The following SNTG1 variants were observed in gnomAD, a reference collection of about 807,000 sequenced individuals.
SNTG1 encodes the protein gamma-1-syntrophin.
Under a neutral mutation model 74.7 loss-of-function variants are expected in SNTG1, and 39 were observed. That is an observed-to-expected ratio of 0.52 (90% confidence interval 0.40 to 0.68). The LOEUF is 0.68. Among genes scored for constraint, SNTG1 ranks in the 30% least tolerant of loss-of-function variants. SNTG1 has a pLI of 0.00. For synonymous variants in SNTG1, 254 were observed against 217.1 expected (o/e 1.17, Z -1.49); for missense variants, 685 against 609.5 (o/e 1.12, Z -1.30).
intron 3 of SNTG1, among the ~76,000 whole-genome samples, chr8:50,396,778 TA>T (rs1414242284): frequency 1.3e-5 from 2 of 152,184 alleles, no homozygotes; most frequent in African/African-American, 4.8e-5. Flanking sequence ...GAATATAAAT[TA>T]AAAAGGCCTT....
intron 2 of SNTG1, among the ~76,000 whole-genome samples, chr8:50,377,805 G>T (rs2092413890): frequency 6.6e-6 from 1 of 152,090 alleles, no homozygotes; most frequent in Non-Finnish European, 1.5e-5. Flanking sequence ...CAGTTATTTT[G>T]ATTTTTAAAA....
intron 9 of SNTG1, among the ~76,000 whole-genome samples, chr8:50,507,438 TAAA>T (rs1286179344): frequency 2.6e-5 from 4 of 152,126 alleles, no homozygotes; most frequent in Non-Finnish European, 5.9e-5. Flanking sequence ...AGTTCTACAG[TAAA>T]ACCATCTGGT....
intron 1 of SNTG1, among the ~76,000 whole-genome samples, chr8:49,999,867 A>G (rs1309481863): frequency 2.0e-5 from 3 of 152,122 alleles, no homozygotes; most frequent in Non-Finnish European, 4.4e-5. Context: ...GCCTCTGTCC[A>G]CTAGAATGGA....
chr8:50,574,966 T>A (rs1048777326), intron 12 of SNTG1, among the ~76,000 whole-genome samples: 3 of 152,204 alleles, frequency 2.0e-5, no homozygotes, highest in African/African-American at 7.2e-5. Context: ...CATTAATGGT[T>A]TTAATCTATT....
intron 13 of SNTG1, among the ~76,000 whole-genome samples, chr8:50,622,515 G>T (rs1460135222): frequency 6.6e-6 from 1 of 152,054 alleles, no homozygotes; most frequent in Non-Finnish European, 1.5e-5. Flanking sequence ...TAAAGTTTAT[G>T]TCTTAAGGTA....
At chr8:50,438,665 C>A in intron 5 of SNTG1, 66 bp downstream of exon 5, 1 of 1,334,978 alleles carries the variant, frequency 7.5e-7, no homozygotes, top group African/African-American at 1.5e-5. Context: ...TGGTGCATTT[C>A]AATGTTTGCT....
At chr8:50,629,952 A>G (rs2094985057) in intron 13 of SNTG1, among the ~76,000 whole-genome samples, 1 of 152,202 alleles carries the variant, frequency 6.6e-6, no homozygotes, top group African/African-American at 2.4e-5. Context: ...ATTAGTACCT[A>G]GGCCAGGGCC....
chr8:50,431,977 G>C (rs981740545), intron 4 of SNTG1, among the ~76,000 whole-genome samples: 1 of 152,104 alleles, frequency 6.6e-6, no homozygotes, highest in Non-Finnish European at 1.5e-5. Flanking sequence ...TCCATAGCTT[G>C]TCTTTTTATT....
chr8:50,513,154 G>C (rs975307238), intron 9 of SNTG1, among the ~76,000 whole-genome samples: 2 of 152,168 alleles, frequency 1.3e-5, no homozygotes, highest in African/African-American at 2.4e-5. Context: ...CTCAGCTGCT[G>C]GTCTGTTGGA....
At chr8:50,009,471 T>C (rs1479606365) in intron 1 of SNTG1, among the ~76,000 whole-genome samples, 1 of 152,172 alleles carries the variant, frequency 6.6e-6, no homozygotes, top group Admixed American at 6.6e-5. Context: ...AGTTTGTCTA[T>C]CATCTAAGCA....
intron 15 of SNTG1, among the ~76,000 whole-genome samples, chr8:50,673,330 G>C (rs1019127741): frequency 1.3e-5 from 2 of 152,076 alleles, no homozygotes; most frequent in Non-Finnish European, 2.9e-5. Flanking sequence ...TTTTCCATTT[G>C]TTTGTGTCCT....
At chr8:50,643,954 A>T (rs2131188536) in intron 13 of SNTG1, 1 of 152,366 alleles carries the variant, frequency 6.6e-6, no homozygotes, top group African/African-American at 2.4e-5. Context: ...GTGCTCCTGA[A>T]TGGGGAACCA....
intron 13 of SNTG1, among the ~76,000 whole-genome samples, chr8:50,622,802 AG>A (rs1197398063): frequency 1.3e-5 from 2 of 151,396 alleles, no homozygotes; most frequent in Admixed American, 1.3e-4. Context: ...GAAATTTCTA[AG>A]AACATAATAA....
chr8:49,977,000 A>G (rs1812254470), intron 1 of SNTG1, among the ~76,000 whole-genome samples: 1 of 152,110 alleles, frequency 6.6e-6, no homozygotes, highest in Non-Finnish European at 1.5e-5. Context: ...TGCTTGTGAG[A>G]AAAAAATGGA....
At chr8:50,138,981 A>T (rs2081571619) in intron 1 of SNTG1, among the ~76,000 whole-genome samples, 1 of 152,150 alleles carries the variant, frequency 6.6e-6, no homozygotes, top group Non-Finnish European at 1.5e-5. Flanking sequence ...TAGAAATAAC[A>T]GAAAAACAGT....
chr8:50,072,816 T>C (rs1371660460), intron 1 of SNTG1, among the ~76,000 whole-genome samples: 3 of 152,212 alleles, frequency 2.0e-5, no homozygotes, highest in Non-Finnish European at 2.9e-5. Context: ...ACAAATATTT[T>C]AGTTTCCTAG....
intron 2 of SNTG1, among the ~76,000 whole-genome samples, chr8:50,210,617 C>A (rs2084474250): frequency 6.6e-6 from 1 of 152,132 alleles, no homozygotes; most frequent in Non-Finnish European, 1.5e-5. Flanking sequence ...AATTTCATAT[C>A]CAGCCAAACT....
intron 2 of SNTG1, among the ~76,000 whole-genome samples, chr8:50,323,801 A>C (rs2090624523): frequency 6.6e-6 from 1 of 151,998 alleles, no homozygotes; most frequent in Admixed American, 6.6e-5. Flanking sequence ...CAAGATCCCC[A>C]GTCCCTGAAC....
intron 1 of SNTG1, among the ~76,000 whole-genome samples, chr8:50,026,501 G>C (rs1817274948): frequency 6.6e-6 from 1 of 152,106 alleles, no homozygotes; most frequent in South Asian, 2.1e-4. Context: ...AAATTCATAA[G>C]AGTTTTCCAT....
Sources: allele counts gnomAD v4.1 joint callset (sites outside exome capture counted in the v4.1 genomes callset), GRCh38; gene constraint gnomAD v4.1.1; transcripts MANE v1.5; gene names NCBI Gene and HGNC (gene_info 2026-07-23, HGNC 2026-07-21).